The following METTL8 variants were observed in gnomAD, a reference collection of about 807,000 sequenced individuals.
METTL8 encodes methyltransferase 8, tRNA N3-cytidine, also known as tRNA N(3)-cytidine methyltransferase METTL8, mitochondrial.
A neutral mutation model predicts 48.7 loss-of-function variants in METTL8; 32 were observed. The observed-to-expected ratio is 0.66, with a 90% CI of 0.50 to 0.88. The LOEUF (loss-of-function observed/expected upper bound fraction) is 0.88. Ranked by LOEUF, METTL8 falls within the 40% of genes least tolerant of loss-of-function variation. METTL8 has a pLI of 0.00. For synonymous variants in METTL8, 136 were observed against 157.1 expected, an observed-to-expected ratio of 0.87 and a Z score of 1.01; for missense variants, 464 against 474.4, an observed-to-expected ratio of 0.98 and a Z score of 0.20.
At chr2:171,432,197 T>C (rs545128647) in intron 1 of METTL8, among the ~76,000 whole-genome samples, 3 of 151,658 alleles carry the variant, frequency 2.0e-5, no homozygotes, top group Non-Finnish European at 4.4e-5. Flanking sequence ...GGTCTCCAGC[T>C]GCGGAGGTCT....
intron 3 of METTL8, among the ~76,000 whole-genome samples, chr2:171,348,294 T>C (rs1294975091): frequency 3.3e-5 from 5 of 152,168 alleles, no homozygotes; most frequent in Non-Finnish European, 5.9e-5. Flanking sequence ...ATGGGCCAGA[T>C]AGTATTTTAG....
rs763021449 is a variant in METTL8 at position 171,356,952 on chromosome 2, A to ATTTTTTTTTTT, written c.235+3459_235+3469dup. 2.7e-4 allele frequency among the ~76,000 whole-genome samples: 21 copies of ATTTTTTTTTTT among 78,486 alleles called. 4 individuals carry two copies. The highest frequency in any genetic ancestry group is 9.3e-4 in the African/African-American group (21 of 22,474). 51.5% of individuals were successfully genotyped at this position (78,486 alleles called of 152,430 possible). Reference sequence around the variant, plus strand: ...CAAATTAGCCTTGTTCAAAGACAATATTTTTTTTTTTTTTTTTGAGACAGG... The same window carrying ATTTTTTTTTTT: ...CAAATTAGCCTTGTTCAAAGACAATATTTTTTTTTTTTTTTTTTTTTTTTTTTTGAGACAGG... On this transcript the variant is annotated intron_variant, in intron 3 of 9. Coordinates refer to ENST00000375258, the MANE Select transcript of METTL8 (RefSeq NM_001321154.2).
intron 1 of METTL8, among the ~76,000 whole-genome samples, chr2:171,396,497 T>C (rs894511951): frequency 6.6e-6 from 1 of 152,160 alleles, no homozygotes; most frequent in Non-Finnish European, 1.5e-5. Flanking sequence ...TGGCATGCTG[T>C]GTATCTTTTA....
At chr2:171,340,349 A>C (rs1263734483) in intron 3 of METTL8, among the ~76,000 whole-genome samples, 1 of 151,584 alleles carries the variant, frequency 6.6e-6, no homozygotes, top group African/African-American at 2.4e-5. Context: ...TAAAAAAATA[A>C]AAATTAGCTG....
chr2:171,427,414 C>A (rs1692527315), intron 1 of METTL8, among the ~76,000 whole-genome samples: 1 of 152,190 alleles, frequency 6.6e-6, no homozygotes, highest in South Asian at 2.1e-4. Flanking sequence ...AGCCTCCTAT[C>A]AGAATAAAAT....
chr2:171,374,396 T>C (rs903562841), intron 2 of METTL8, among the ~76,000 whole-genome samples: 5 of 152,328 alleles, frequency 3.3e-5, no homozygotes, highest in South Asian at 2.1e-4. Context: ...TGATATATCA[T>C]ACCCATCTCT....
At chr2:171,353,293 A>C (rs1684157109) in intron 3 of METTL8, among the ~76,000 whole-genome samples, 1 of 152,164 alleles carries the variant, frequency 6.6e-6, no homozygotes, top group Non-Finnish European at 1.5e-5. Context: ...TGAGTTTCTT[A>C]ATCCTGAGTT....
intron 1 of METTL8, among the ~76,000 whole-genome samples, chr2:171,414,430 AAAC>A: frequency 6.6e-6 from 1 of 151,878 alleles, no homozygotes. Context: ...AAAAAAAAAA[AAAC>A]ATCTTGCTAA....
intron 2 of METTL8, among the ~76,000 whole-genome samples, chr2:171,363,054 G>T (rs1323609438): frequency 6.6e-6 from 1 of 152,138 alleles, no homozygotes; most frequent in Non-Finnish European, 1.5e-5. Flanking sequence ...AGTATATGTG[G>T]TCTTCCGCTT....
At chr2:171,399,127 A>G (rs1689400411) in intron 1 of METTL8, among the ~76,000 whole-genome samples, 1 of 152,154 alleles carries the variant, frequency 6.6e-6, no homozygotes, top group African/African-American at 2.4e-5. Flanking sequence ...TTGAATCCTA[A>G]GAAGGCCAAA....
chr2:171,394,428 A>G (rs1688866767), intron 1 of METTL8, among the ~76,000 whole-genome samples: 1 of 152,188 alleles, frequency 6.6e-6, no homozygotes, highest in South Asian at 2.1e-4. Context: ...CTCACTATAA[A>G]TGACCAAGAG....
chr2:171,377,183 A>T (rs1309479625), intron 2 of METTL8, among the ~76,000 whole-genome samples: 1 of 152,160 alleles, frequency 6.6e-6, no homozygotes, highest in East Asian at 1.9e-4. Flanking sequence ...TCTCACCTTA[A>T]GCAAAAATCA....
intron 1 of METTL8, among the ~76,000 whole-genome samples, chr2:171,397,837 C>T (rs1371211791): frequency 2.0e-5 from 3 of 152,004 alleles, no homozygotes; most frequent in Admixed American, 2.0e-4. Context: ...CCTTGAAAAC[C>T]ATAACTTACC....
At chr2:171,361,708 G>C (rs1685189614) in intron 2 of METTL8, among the ~76,000 whole-genome samples, 1 of 152,130 alleles carries the variant, frequency 6.6e-6, no homozygotes, top group Admixed American at 6.6e-5. Context: ...GGCAGAACCA[G>C]AATTCACCTA....
chr2:171,355,040 G>A (rs143381935), intron 3 of METTL8, among the ~76,000 whole-genome samples: 1 of 152,202 alleles, frequency 6.6e-6, no homozygotes, highest in East Asian at 1.9e-4. Flanking sequence ...AGGAGAAGAG[G>A]CGCTCTGATT....
chr2:171,356,364 C>A (rs577971674), intron 3 of METTL8, among the ~76,000 whole-genome samples: 1 of 152,286 alleles, frequency 6.6e-6, no homozygotes, highest in Non-Finnish European at 1.5e-5. Flanking sequence ...GTCTTGAACT[C>A]CTGACCTCAG....
At chr2:171,395,195 C>T (rs1250507541) in intron 1 of METTL8, among the ~76,000 whole-genome samples, 2 of 152,078 alleles carry the variant, frequency 1.3e-5, no homozygotes, top group African/African-American at 4.8e-5. Flanking sequence ...AATTGCACAA[C>T]AAAACTGTGT....
intron 2 of METTL8, chr2:171,375,107 C>T (rs935825678): frequency 4.5e-5 from 57 of 1,275,856 alleles, no homozygotes; most frequent in African/African-American, 2.3e-4. Context: ...GCATTGAAGA[C>T]GCTCACTTCA....
intron 1 of METTL8, among the ~76,000 whole-genome samples, chr2:171,430,604 AGTGACAGCTT>A (rs1478877097): frequency 9.2e-5 from 14 of 152,202 alleles, no homozygotes; most frequent in Non-Finnish European, 7.4e-5. Flanking sequence ...GCAACAGGCA[AGTGACAGCTT>A]GTGCTTTAGG....
Sources: allele counts gnomAD v4.1 joint callset (sites outside exome capture counted in the v4.1 genomes callset), GRCh38; gene constraint gnomAD v4.1.1; transcripts MANE v1.5; gene names NCBI Gene and HGNC (gene_info 2026-07-23, HGNC 2026-07-21).